ATXN3: variants seen among roughly 807,000 people sequenced by gnomAD.
ATXN3 encodes ataxin 3, also known as ataxin-3.
A neutral mutation model predicts 58.2 loss-of-function variants in ATXN3; 28 were observed. The observed-to-expected ratio is 0.48, with a 90% CI of 0.36 to 0.66. The LOEUF is 0.66. ATXN3 is among the 30% of genes least tolerant of loss of function. The pLI, the probability that ATXN3 is intolerant of heterozygous loss-of-function variation, is 0.00. For missense variants in ATXN3, 321 were observed against 422.1 expected, an observed-to-expected ratio of 0.76 and a Z score of 2.10; for synonymous variants, 113 against 138.5, an observed-to-expected ratio of 0.82 and a Z score of 1.29.
chr14:92,054,611 G>C (rs973225239), downstream of ATXN3, among the ~76,000 whole-genome samples: 2 of 152,074 alleles, frequency 1.3e-5, no homozygotes, highest in Non-Finnish European at 2.9e-5. Flanking sequence ...CAGCCCTCAG[G>C]GCTGCTCTGT....
chr14:92,093,922 A>G (rs2064501133), intron 3 of ATXN3, 91 bp from the exon 4 acceptor site: 2 of 760,292 alleles, frequency 2.6e-6, no homozygotes, highest in African/African-American at 1.8e-5. Context: ...CTTCATATAT[A>G]AATTTCTCTA....
At chr14:92,050,621 T>G (rs1170926922), upstream of ATXN3, 2 of 152,282 alleles carry the variant, frequency 1.3e-5, no homozygotes, top group Non-Finnish European at 2.9e-5. Flanking sequence ...AGTGGGATCA[T>G]CAATATTCCT....
downstream of ATXN3, among the ~76,000 whole-genome samples, chr14:92,054,369 C>T (rs1027492457): frequency 2.0e-5 from 3 of 152,138 alleles, no homozygotes; most frequent in South Asian, 2.1e-4. Context: ...AAGTCCTTGC[C>T]GATAAAACAG....
intron 9 of ATXN3, among the ~76,000 whole-genome samples, chr14:92,078,507 A>G (rs1266969572): frequency 6.6e-6 from 1 of 151,680 alleles, no homozygotes. Flanking sequence ...GATTACAAGC[A>G]TGCGCCACCA....
At chr14:92,099,974 A>T (rs1215533607) in intron 1 of ATXN3, among the ~76,000 whole-genome samples, 1 of 152,176 alleles carries the variant, frequency 6.6e-6, no homozygotes, top group Non-Finnish European at 1.5e-5. Flanking sequence ...GAAAGAAAGA[A>T]AAGAAAAATA....
At chr14:92,064,621 A>G (rs2058054147) in intron 10 of ATXN3, among the ~76,000 whole-genome samples, 1 of 152,150 alleles carries the variant, frequency 6.6e-6, no homozygotes, top group African/African-American at 2.4e-5. Context: ...GCCCCAGAAA[A>G]TTCCCCCATG....
At chr14:92,097,777 G>A (rs757489584) in intron 1 of ATXN3, among the ~76,000 whole-genome samples, 17 of 152,050 alleles carry the variant, frequency 1.1e-4, no homozygotes, top group Non-Finnish European at 2.4e-4. Flanking sequence ...TGCCCACCTT[G>A]GCCTCCCTAA....
At position 92,083,159 on chromosome 14, in the gene ATXN3, A is replaced by G. The variant is rs1368769743; in HGVS notation, c.575T>C (p.Ile192Thr). The G allele has an allele frequency of 3.7e-6, 6 of 1,613,154 alleles. No homozygotes were observed. The highest frequency in any genetic ancestry group is 1.3e-5 in the African/African-American group (1 of 74,986). The change falls in exon 7 of 11, where the codon ATT (isoleucine) becomes ACT (threonine). Residue 192 changes from isoleucine (I) to threonine (T), a missense_variant. By Grantham distance (89) the Ile-to-Thr change is moderately conservative (BLOSUM62 -1). Around this residue, in one of 2 missense-constraint regions of ATXN3, gnomAD observed 200 missense variants for 223.2 expected, o/e 0.90. Coordinates refer to ENST00000644486, the MANE Select transcript of ATXN3 (RefSeq NM_004993.6). ...RVQQMHRPKL[I>T]GEELAQLKEQ... ...TTTTAGTTGTGCTAATTCTTCTCCA[A>G]TAAGTTTTGGTCGATGCATCTGTTG...
At position 92,064,404 on chromosome 14, in the gene ATXN3, C is replaced by G. The variant is rs1455387460; in HGVS notation, c.1002G>C (p.Met334Ile). 1 of 1,610,580 alleles carries G rather than the reference C, an allele frequency of 6.2e-7. No homozygotes were observed. The highest frequency in any genetic ancestry group is 8.5e-7 in the Non-Finnish European group (1 of 1,177,914). ...GALGSDLGDA[M>I]SEEDMLQAAV... is the part of the protein sequence containing the mutation. Reference sequence around the variant, plus strand: ...CTGCCTGAAGCATGTCTTCTTCACTCATAGCATCACCTGTTGGGAAACAAA... The same window carrying G: ...CTGCCTGAAGCATGTCTTCTTCACTGATAGCATCACCTGTTGGGAAACAAA... Residue 334 changes from methionine (M) to isoleucine (I), a missense_variant, in exon 11 of 11, where the codon ATG (methionine) becomes ATC (isoleucine). This residue lies in a region of ATXN3 where 200 missense variants were observed against 223.2 expected (regional missense o/e 0.90). Transcript: ENST00000644486.
intron 9 of ATXN3, among the ~76,000 whole-genome samples, chr14:92,075,458 C>T (rs920261704): frequency 7.2e-5 from 11 of 152,064 alleles, no homozygotes; most frequent in African/African-American, 2.2e-4. Context: ...TGAGCCATAG[C>T]GCCCAGCCAA....
intron 10 of ATXN3, among the ~76,000 whole-genome samples, chr14:92,066,852 C>T (rs1007084640): frequency 1.2e-4 from 18 of 151,780 alleles, no homozygotes; most frequent in Non-Finnish European, 1.8e-4. Context: ...TCACTGCAAC[C>T]GTCGCCTCCC....
At chr14:92,085,613 A>G (rs1566953350) in intron 6 of ATXN3, among the ~76,000 whole-genome samples, 1 of 152,244 alleles carries the variant, frequency 6.6e-6, no homozygotes, top group African/African-American at 2.4e-5. Flanking sequence ...TATAATATAT[A>G]GGAACCAGAG....
intron 9 of ATXN3, chr14:92,071,593 T>C: frequency 3.6e-6 from 1 of 276,356 alleles, no homozygotes; most frequent in Non-Finnish European, 7.2e-6. Flanking sequence ...CGAGACTCTG[T>C]CTCAAAAAAA....
chr14:92,085,294 C>G (rs2062199133), intron 6 of ATXN3, among the ~76,000 whole-genome samples: 1 of 151,782 alleles, frequency 6.6e-6, no homozygotes, highest in Non-Finnish European at 1.5e-5. Flanking sequence ...TCAAGTGATT[C>G]TCCTATCTCA....
At chr14:92,076,402 C>T (rs867420765) in intron 9 of ATXN3, among the ~76,000 whole-genome samples, 2 of 146,858 alleles carry the variant, frequency 1.4e-5, no homozygotes, top group African/African-American at 5.1e-5. Context: ...GAGCCGAGAT[C>T]GCGCCACTGC....
At chr14:92,097,411 A>G (rs1022035111) in intron 1 of ATXN3, among the ~76,000 whole-genome samples, 2 of 150,376 alleles carry the variant, frequency 1.3e-5, no homozygotes, top group African/African-American at 4.9e-5. Flanking sequence ...TATTTTTAGT[A>G]TATACAGGGT....
intron 1 of ATXN3, among the ~76,000 whole-genome samples, chr14:92,098,268 G>C (rs2065887800): frequency 6.6e-6 from 1 of 152,116 alleles, no homozygotes; most frequent in African/African-American, 2.4e-5. Context: ...ACTGTGCCCA[G>C]CTCCCTAGAA....
At chr14:92,082,221 C>T (rs2061596777) in intron 8 of ATXN3, 79 bp downstream of exon 8, 4 of 1,469,390 alleles carry the variant, frequency 2.7e-6, no homozygotes, top group East Asian at 2.3e-5. Context: ...TCTAAGAGTA[C>T]ATTAACTTCC....
chr14:92,106,220 A>G (rs1304443831), intron 1 of ATXN3, among the ~76,000 whole-genome samples: 1 of 152,130 alleles, frequency 6.6e-6, no homozygotes, highest in Non-Finnish European at 1.5e-5. Context: ...CCGAAAAGCG[A>G]TGGAAAGTGA....
Sources: gnomAD v4.1 joint callset for allele counts (sites outside exome capture counted in the v4.1 genomes callset) on GRCh38, gnomAD v4.1.1 for gene constraint, gnomAD v4.1.1 regional missense constraint, MANE v1.5 for transcripts, NCBI Gene and HGNC (gene_info 2026-07-23, HGNC 2026-07-21) for gene names.